Variants in ANKS1B observed in about 807,000 individuals in gnomAD.
ANKS1B encodes the protein ankyrin repeat and sterile alpha motif domain containing 1B.
ANKS1B carries 36 observed loss-of-function variants against 148.3 expected under a neutral mutation model. The ratio of observed to expected loss-of-function variants is 0.24; its 90% CI spans 0.19 to 0.32. ANKS1B has a LOEUF of 0.32. Ranked by LOEUF, ANKS1B falls within the 10% of genes least tolerant of loss-of-function variation. The probability of loss-of-function intolerance (pLI) is 1.00; values close to 1 mark genes in which losing one functional copy is unlikely to be tolerated. For missense variants in ANKS1B, 1,157 were observed against 1,542.6 expected, an observed-to-expected ratio of 0.75 and a Z score of 4.19; for synonymous variants, 542 against 560.8, an observed-to-expected ratio of 0.97 and a Z score of 0.47.
intron 12 of ANKS1B, among the ~76,000 whole-genome samples, chr12:99,296,485 G>T (rs1052442666): frequency 6.6e-6 from 1 of 151,988 alleles, no homozygotes; most frequent in Non-Finnish European, 1.5e-5. Flanking sequence ...GGGATCTTTC[G>T]ATGGCTGGCT....
chr12:98,810,902 G>A (rs1299605285), intron 19 of ANKS1B, among the ~76,000 whole-genome samples: 1 of 152,224 alleles, frequency 6.6e-6, no homozygotes, highest in Non-Finnish European at 1.5e-5. Flanking sequence ...GGGTGGATAA[G>A]AGAAGCTCGG....
chr12:99,358,566 T>G (rs10777971), intron 12 of ANKS1B, among the ~76,000 whole-genome samples: 67,094 of 151,800 alleles, frequency 0.44, 16,248 homozygotes, highest in African/African-American at 0.65. Flanking sequence ...ACTCTACTAC[T>G]TTCCATGGAT....
intron 17 of ANKS1B, among the ~76,000 whole-genome samples, chr12:98,918,200 G>A (rs576512468): frequency 3.3e-5 from 5 of 152,188 alleles, no homozygotes; most frequent in Admixed American, 6.5e-5. Context: ...GGCCCTTCAC[G>A]GAGGTTAGTT....
chr12:99,387,505 A>T (rs944835668), intron 12 of ANKS1B, among the ~76,000 whole-genome samples: 44 of 151,964 alleles, frequency 2.9e-4, no homozygotes, highest in African/African-American at 1.0e-3. Context: ...AGTCCCAGCT[A>T]CTCGGGAGGC....
chr12:99,157,759 T>G (rs1370777037), intron 14 of ANKS1B, among the ~76,000 whole-genome samples: 1 of 152,162 alleles, frequency 6.6e-6, no homozygotes, highest in Admixed American at 6.6e-5. Context: ...CTCACCACTT[T>G]GGATATATCC....
intron 17 of ANKS1B, among the ~76,000 whole-genome samples, chr12:98,932,971 T>G (rs933781240): frequency 6.6e-6 from 1 of 152,226 alleles, no homozygotes; most frequent in Non-Finnish European, 1.5e-5. Context: ...AATTCCATTC[T>G]ATTGTGTTAA....
chr12:99,087,253 T>A (rs7299393), intron 15 of ANKS1B, among the ~76,000 whole-genome samples: 84,406 of 152,060 alleles, frequency 0.56, 24,529 homozygotes, highest in East Asian at 0.74. Flanking sequence ...CAGACTATGC[T>A]ATAAATGGAT....
At chr12:99,749,802 G>A (rs944115495) in intron 8 of ANKS1B, among the ~76,000 whole-genome samples, 3 of 151,978 alleles carry the variant, frequency 2.0e-5, no homozygotes, top group East Asian at 1.9e-4. Context: ...TTCAGAAAGA[G>A]TGTCTCAGGG....
intron 12 of ANKS1B, among the ~76,000 whole-genome samples, chr12:99,390,116 A>G (rs1297127203): frequency 6.6e-6 from 1 of 152,258 alleles, no homozygotes; most frequent in Non-Finnish European, 1.5e-5. Flanking sequence ...CTTTAGTAAT[A>G]ACAGCAATAA....
intron 25 of ANKS1B, among the ~76,000 whole-genome samples, chr12:98,752,923 T>C (rs983458376): frequency 1.3e-5 from 2 of 152,112 alleles, no homozygotes; most frequent in African/African-American, 4.8e-5. Context: ...ACAATCAAAA[T>C]CTAATTTAGG....
chr12:99,743,304 C>T (rs1286416356), intron 8 of ANKS1B, among the ~76,000 whole-genome samples: 3 of 152,160 alleles, frequency 2.0e-5, no homozygotes, highest in Non-Finnish European at 4.4e-5. Context: ...GTTCCTATGG[C>T]TATTGTTTCA....
intron 14 of ANKS1B, among the ~76,000 whole-genome samples, chr12:99,225,483 G>T (rs1488963643): frequency 6.6e-6 from 1 of 152,114 alleles, no homozygotes; most frequent in Admixed American, 6.5e-5. Context: ...GTTTCTGGGT[G>T]TCTCCGTGAG....
intron 8 of ANKS1B, among the ~76,000 whole-genome samples, chr12:99,695,720 G>T (rs1046533419): frequency 6.6e-6 from 1 of 152,080 alleles, no homozygotes; most frequent in Admixed American, 6.6e-5. Context: ...CACTCACTGG[G>T]GCCTGTCGGG....
At chr12:99,142,950 A>T (rs2071497428) in intron 15 of ANKS1B, among the ~76,000 whole-genome samples, 1 of 152,148 alleles carries the variant, frequency 6.6e-6, no homozygotes, top group African/African-American at 2.4e-5. Flanking sequence ...AGGCCTGATG[A>T]ATGCCAAATG....
intron 10 of ANKS1B, among the ~76,000 whole-genome samples, chr12:99,467,463 A>G (rs1228538721): frequency 1.3e-5 from 2 of 152,208 alleles, no homozygotes; most frequent in Non-Finnish European, 2.9e-5. Context: ...AGAAGGAAAT[A>G]AAGGGTATTC....
chr12:99,857,025 C>A (rs1343564811), intron 1 of ANKS1B, among the ~76,000 whole-genome samples: 1 of 152,058 alleles, frequency 6.6e-6, no homozygotes, highest in Non-Finnish European at 1.5e-5. Context: ...TATTGGAAGT[C>A]CTAGCCAGAG....
chr12:98,842,631 T>C (rs904687344), intron 17 of ANKS1B, among the ~76,000 whole-genome samples: 14 of 152,222 alleles, frequency 9.2e-5, no homozygotes, highest in African/African-American at 3.4e-4. Context: ...GGAGAATGCA[T>C]TCAGTATGCA....
chr12:99,308,007 T>A (rs957888781), intron 12 of ANKS1B, among the ~76,000 whole-genome samples: 3 of 152,134 alleles, frequency 2.0e-5, no homozygotes, highest in African/African-American at 7.2e-5. Flanking sequence ...CCTTGTTCTC[T>A]ATCAACCTGA....
intron 1 of ANKS1B, among the ~76,000 whole-genome samples, chr12:99,858,427 G>C (rs1359169868): frequency 5.3e-5 from 8 of 152,142 alleles, no homozygotes; most frequent in Admixed American, 3.3e-4. Flanking sequence ...CTGTTGGTGG[G>C]AATGTAAACT....
Sources: allele counts gnomAD v4.1 joint callset (sites outside exome capture counted in the v4.1 genomes callset), GRCh38; gene constraint gnomAD v4.1.1; transcripts MANE v1.5; gene names NCBI Gene and HGNC (gene_info 2026-07-23, HGNC 2026-07-21).